Variants in SDK1 observed in about 807,000 individuals in gnomAD.
SDK1 encodes protein sidekick-1.
In SDK1, 157 loss-of-function variants were observed where a neutral mutation model predicts 245.5. The observed-to-expected ratio is 0.64, with a 90% CI of 0.56 to 0.73. SDK1 has a LOEUF of 0.73. Ranked by LOEUF, SDK1 falls within the 30% of genes least tolerant of loss-of-function variation. SDK1 has a pLI of 0.00. For missense variants in SDK1, 3,583 were observed against 3,002.3 expected (o/e 1.19, Z -4.52); for synonymous variants, 1,647 against 1,278.5 (o/e 1.29, Z -6.15).
At chr7:3,842,129 T>C (rs969972998) in intron 5 of SDK1, among the ~76,000 whole-genome samples, 2 of 152,194 alleles carry the variant, frequency 1.3e-5, no homozygotes, top group Non-Finnish European at 2.9e-5. Flanking sequence ...AATGTAGTTG[T>C]TCAATACTGT....
At chr7:3,537,695 C>G (rs183423069) in intron 1 of SDK1, among the ~76,000 whole-genome samples, 3 of 152,296 alleles carry the variant, frequency 2.0e-5, no homozygotes, top group East Asian at 1.9e-4. Context: ...GTGGGATGAT[C>G]TGTCTGTGCT....
intron 28 of SDK1, among the ~76,000 whole-genome samples, chr7:4,133,012 CTGAAA>C (rs1368260268): frequency 6.6e-6 from 1 of 152,180 alleles, no homozygotes; most frequent in Non-Finnish European, 1.5e-5. Flanking sequence ...CCCTTCCTCT[CTGAAA>C]TATCAGGCTA....
chr7:3,349,210 C>A (rs1038767931), intron 1 of SDK1, among the ~76,000 whole-genome samples: 1 of 151,442 alleles, frequency 6.6e-6, no homozygotes, highest in Non-Finnish European at 1.5e-5. Flanking sequence ...ACAAAAAAAA[C>A]ACAACAAAAC....
At position 3,404,855 on chromosome 7, in the gene SDK1, TGTA is replaced by T. The variant is rs1490831553; in HGVS notation, c.298+102972_298+102974del. Among the ~76,000 whole-genome samples, 3 of 152,176 alleles carry T rather than the reference TGTA, an allele frequency of 2.0e-5. No individual in the cohort carries two copies. The East Asian group carries it at 5.8e-4, about 29-fold the overall frequency. Reference sequence around the variant, plus strand: ...TTCAAAGGCATGAAGTTTAAAATAATGTAATGTTAATTTTGTGCTCTGTAATGT... The same window carrying T: ...TTCAAAGGCATGAAGTTTAAAATAATATGTTAATTTTGTGCTCTGTAATGT... On this transcript the variant is annotated intron_variant, in intron 1 of 44. Transcript: ENST00000404826.
intron 2 of SDK1, among the ~76,000 whole-genome samples, chr7:3,623,316 C>T (rs1325552717): frequency 1.4e-5 from 2 of 144,900 alleles, no homozygotes; most frequent in Non-Finnish European, 3.0e-5. Flanking sequence ...GGAGCGATCT[C>T]GGCTCACTGC....
At chr7:3,358,558 A>T (rs1046023949) in intron 1 of SDK1, among the ~76,000 whole-genome samples, 12 of 152,066 alleles carry the variant, frequency 7.9e-5, no homozygotes, top group African/African-American at 2.9e-4. Flanking sequence ...TCACGCTTAC[A>T]GCATAAGTTA....
intron 22 of SDK1, among the ~76,000 whole-genome samples, chr7:4,108,661 C>G (rs181444603): frequency 6.6e-6 from 1 of 152,168 alleles, no homozygotes; most frequent in Non-Finnish European, 1.5e-5. Context: ...TTTATTGTTT[C>G]TTTTTTTCGT....
chr7:3,596,707 A>T (rs1781078745), intron 1 of SDK1, among the ~76,000 whole-genome samples: 1 of 152,210 alleles, frequency 6.6e-6, no homozygotes, highest in South Asian at 2.1e-4. Flanking sequence ...CAAAATGTTA[A>T]AAGAAGAACT....
intron 1 of SDK1, among the ~76,000 whole-genome samples, chr7:3,592,060 C>A (rs1347563195): frequency 6.6e-6 from 1 of 152,094 alleles, no homozygotes; most frequent in Non-Finnish European, 1.5e-5. Flanking sequence ...CTGGGAAGCC[C>A]TTTGTATCAC....
intron 1 of SDK1, among the ~76,000 whole-genome samples, chr7:3,426,303 C>G (rs774321187): frequency 6.6e-6 from 1 of 152,160 alleles, no homozygotes; most frequent in Non-Finnish European, 1.5e-5. Flanking sequence ...AAGTGCGTCA[C>G]TGAGTGATAA....
intron 4 of SDK1, among the ~76,000 whole-genome samples, chr7:3,714,052 C>T (rs533728436): frequency 1.3e-5 from 2 of 152,270 alleles, no homozygotes; most frequent in South Asian, 2.1e-4. Context: ...GGTGTGCAGA[C>T]GGCAGCAAGT....
At chr7:4,250,324 T>C (rs2342819) in intron 44 of SDK1, among the ~76,000 whole-genome samples, 44 of 152,240 alleles carry the variant, frequency 2.9e-4, no homozygotes, top group Admixed American at 2.9e-3. Flanking sequence ...ATTTTGCCCA[T>C]GTGGTTTCTT....
chr7:3,557,697 C>T (rs1000091406), intron 1 of SDK1, among the ~76,000 whole-genome samples: 8 of 152,142 alleles, frequency 5.3e-5, no homozygotes, highest in Non-Finnish European at 4.4e-5. Context: ...GTAAAGGGTA[C>T]TCAGAATCTC....
At chr7:3,922,463 A>G (rs1486722007) in intron 5 of SDK1, among the ~76,000 whole-genome samples, 1 of 152,216 alleles carries the variant, frequency 6.6e-6, no homozygotes, top group African/African-American at 2.4e-5. Flanking sequence ...TCCGAATACC[A>G]CTGGGTGTCA....
intron 1 of SDK1, among the ~76,000 whole-genome samples, chr7:3,578,415 A>T (rs184731546): frequency 3.3e-4 from 50 of 152,204 alleles, no homozygotes; most frequent in East Asian, 7.7e-4. Flanking sequence ...ATAAGGGTCT[A>T]TGTTCAGCTG....
At chr7:3,912,118 C>T (rs1462800048) in intron 5 of SDK1, among the ~76,000 whole-genome samples, 9 of 152,068 alleles carry the variant, frequency 5.9e-5, no homozygotes, top group South Asian at 2.1e-4. Flanking sequence ...TGAGCAGAGT[C>T]GAAGTTTATT....
chr7:3,307,898 TC>T (rs561075003), intron 1 of SDK1, among the ~76,000 whole-genome samples: 1 of 152,328 alleles, frequency 6.6e-6, no homozygotes, highest in African/African-American at 2.4e-5. Context: ...TGTCTTCCTT[TC>T]TGCCCTTCAC....
intron 32 of SDK1, among the ~76,000 whole-genome samples, chr7:4,170,170 C>A (rs1022389915): frequency 6.6e-6 from 1 of 152,174 alleles, no homozygotes; most frequent in African/African-American, 2.4e-5. Flanking sequence ...ATTTCAGTCT[C>A]AGCTGTGGCC....
chr7:4,043,159 G>C (rs966816168), intron 17 of SDK1, among the ~76,000 whole-genome samples: 1 of 151,682 alleles, frequency 6.6e-6, no homozygotes, highest in Non-Finnish European at 1.5e-5. Context: ...GACCCAGGTA[G>C]AGTGAGTATC....
Sources: allele counts gnomAD v4.1 joint callset (sites outside exome capture counted in the v4.1 genomes callset), GRCh38; gene constraint gnomAD v4.1.1; transcripts MANE v1.5; gene names NCBI Gene and HGNC (gene_info 2026-07-23, HGNC 2026-07-21).